Variants in CCDC82 observed in about 807,000 individuals in gnomAD.
CCDC82 encodes coiled-coil domain containing 82.
CCDC82 carries 47 observed loss-of-function variants against 60.6 expected under a neutral mutation model. That is an observed-to-expected ratio of 0.77 (90% confidence interval 0.61 to 0.99). CCDC82 has a LOEUF of 0.99. CCDC82 is among the 50% of genes least tolerant of loss of function. CCDC82 has a pLI of 0.00. For synonymous variants in CCDC82, 212 were observed against 207.4 expected, an observed-to-expected ratio of 1.02 and a Z score of -0.19; for missense variants, 588 against 633.0, an observed-to-expected ratio of 0.93 and a Z score of 0.76.
rs1864372763 is a variant in CCDC82 at position 96,356,810 on chromosome 11, A to G, written c.1566+2183T>C. ...AAAGAATGAAGTCAGTCTAGTTGGC[A>G]TGTCTTTGGGAAGACATGCTGAGAC... On this transcript the variant is annotated intron_variant, in intron 9 of 9. Transcript: ENST00000646818. 14 of 985,292 alleles carry G rather than the reference A, an allele frequency of 1.4e-5. No individual in the cohort carries two copies. The South Asian group carries it at 1.9e-4, about 13-fold the overall frequency. The allele number at this position is 985,292 out of a possible 1,614,324, so 61.0% of individuals were successfully genotyped here.
intron 8 of CCDC82, chr11:96,363,988 T>C (rs1456969934): frequency 6.6e-6 from 1 of 152,146 alleles, no homozygotes; most frequent in East Asian, 1.9e-4. Flanking sequence ...ATAACTATTT[T>C]ATATAGAATC....
chr11:96,354,183 G>A (rs1257536424), intron 9 of CCDC82: 1 of 152,662 alleles, frequency 6.6e-6, no homozygotes, highest in African/African-American at 2.4e-5. Context: ...ACACTGTTAT[G>A]AGGGTTCAGA....
chr11:96,357,442 TA>T, intron 9 of CCDC82: 1 of 984,998 alleles, frequency 1.0e-6, no homozygotes, highest in African/African-American at 1.7e-5. Context: ...AAAGAAAGCC[TA>T]AGCTCCTTTC....
At chr11:96,365,254 A>G (rs1247470455) in intron 7 of CCDC82, 104 bp from the exon 8 acceptor site, 2 of 699,438 alleles carry the variant, frequency 2.9e-6, no homozygotes, top group Admixed American at 3.3e-5. Flanking sequence ...ACAAAGAGAT[A>G]TAAGAGCAAA....
intron 7 of CCDC82, among the ~76,000 whole-genome samples, chr11:96,368,556 C>T (rs1865072126): frequency 6.6e-6 from 1 of 152,010 alleles, no homozygotes; most frequent in Admixed American, 6.6e-5. Context: ...GCATTTACTT[C>T]TTTTTAGCTA....
intron 9 of CCDC82, chr11:96,356,539 T>A (rs1211114540): frequency 3.0e-6 from 3 of 985,160 alleles, no homozygotes; most frequent in Non-Finnish European, 3.6e-6. Context: ...GGAAGTCCCA[T>A]CATCATATAC....
intron 1 of CCDC82, chr11:96,389,345 T>C (rs1866402619): frequency 6.6e-6 from 1 of 150,990 alleles, no homozygotes; most frequent in Non-Finnish European, 1.5e-5. Context: ...CCCGGAAGGG[T>C]GACTTTCATG....
At position 96,371,444 on chromosome 11, in the gene CCDC82, T is replaced by C. The variant is rs1175803761; in HGVS notation, c.1085-307A>G. On this transcript the variant is annotated intron_variant, in intron 6 of 9. Transcript: ENST00000646818. ...AAAAATACAAAAAATTAGCCAGGCG[T>C]GGTAGCGGGCACCTGTAGTCCCAGC... Among the ~76,000 whole-genome samples, 4 of 151,970 alleles carry C rather than the reference T, an allele frequency of 2.6e-5. No homozygotes were observed. In the East Asian group the frequency reaches 7.7e-4, roughly 29 times the overall value.
intron 5 of CCDC82, 30 bp downstream of exon 5, chr11:96,383,239 C>G (rs980284006): frequency 8.3e-7 from 1 of 1,209,364 alleles, no homozygotes; most frequent in Admixed American, 1.7e-5. Flanking sequence ...GAGAACAATT[C>G]ATGAAACATT....
chr11:96,367,088 T>C (rs1864990433), intron 7 of CCDC82, among the ~76,000 whole-genome samples: 1 of 152,356 alleles, frequency 6.6e-6, no homozygotes, highest in Middle Eastern at 3.4e-3. Flanking sequence ...ATCTTTTTGC[T>C]GATAGAGGGT....
At chr11:96,377,891 A>G (rs905668284) in intron 5 of CCDC82, among the ~76,000 whole-genome samples, 1 of 152,218 alleles carries the variant, frequency 6.6e-6, no homozygotes, top group Non-Finnish European at 1.5e-5. Flanking sequence ...CCTCAAGAAT[A>G]CTTTCTTCTA....
At chr11:96,364,852 T>C in intron 8 of CCDC82, 128 bp downstream of exon 8, 1 of 724,314 alleles carries the variant, frequency 1.4e-6, no homozygotes, top group South Asian at 2.0e-5. Flanking sequence ...ACTTGTGGGT[T>C]GCCAATTTGG....
intron 6 of CCDC82, among the ~76,000 whole-genome samples, chr11:96,372,647 TATATAA>T (rs201088852): frequency 0.01 from 1,473 of 145,816 alleles, 17 homozygotes; most frequent in Admixed American, 0.033. Context: ...TATAAATATA[TATATAA>T]ATATAAATAT....
At chr11:96,359,326 G>A in intron 8 of CCDC82, 148 bp from the exon 9 acceptor site, 1 of 614,616 alleles carries the variant, frequency 1.6e-6, no homozygotes, top group African/African-American at 1.9e-5. Flanking sequence ...TATACAACTA[G>A]TCAAACACTG....
chr11:96,375,578 CACA>C (rs1453799031), intron 5 of CCDC82, among the ~76,000 whole-genome samples: 3 of 152,088 alleles, frequency 2.0e-5, no homozygotes, highest in Admixed American at 1.3e-4. Flanking sequence ...CTTTATTTTT[CACA>C]ACAAGCCTGT....
intron 9 of CCDC82, chr11:96,358,382 T>C (rs1265835578): frequency 8.2e-7 from 1 of 1,223,002 alleles, no homozygotes; most frequent in Non-Finnish European, 1.0e-6. Flanking sequence ...TCCAGTGCAC[T>C]CTTCAAAACC....
intron 9 of CCDC82, chr11:96,358,025 G>T: frequency 1.0e-6 from 1 of 985,348 alleles, no homozygotes; most frequent in Middle Eastern, 5.2e-4. Context: ...TATCTAGACT[G>T]GGAGACCTCC....
chr11:96,380,996 G>T (rs1042252970), intron 5 of CCDC82: 2 of 151,528 alleles, frequency 1.3e-5, no homozygotes, highest in African/African-American at 2.4e-5. Flanking sequence ...CTGTAACAGA[G>T]GTACCAAACT....
rs766550035 is a variant in CCDC82, at chr11:96,367,579, A to G, written c.1210-2429T>C. Among the ~76,000 whole-genome samples, 27 of 152,252 alleles carry G rather than the reference A, an allele frequency of 1.8e-4. No individual in the cohort carries two copies. The Middle Eastern group carries it at 0.01, about 58-fold the overall frequency. ...TTCTAGTTCTCTTGCTATTTCAACC[A>G]TATCTGTAGTTACTTCCTCCACTGA... On this transcript the variant is annotated intron_variant, in intron 7 of 9. Transcript: ENST00000646818.
Sources: gnomAD v4.1 joint callset for allele counts (sites outside exome capture counted in the v4.1 genomes callset) on GRCh38, gnomAD v4.1.1 for gene constraint, MANE v1.5 for transcripts, NCBI Gene and HGNC (gene_info 2026-07-23, HGNC 2026-07-21) for gene names.